NCOA1: variants seen among roughly 807,000 people sequenced by gnomAD.
NCOA1 encodes the protein Hin-2 protein.
NCOA1 carries 35 observed loss-of-function variants against 150.9 expected under a neutral mutation model. The observed-to-expected ratio is 0.23, with a 90% CI of 0.18 to 0.31. NCOA1 has a LOEUF of 0.31. NCOA1 is among the 10% of genes least tolerant of loss of function. NCOA1 has a pLI of 1.00. For missense variants in NCOA1, 1,491 were observed against 1,749.3 expected (o/e 0.85, Z 2.63); for synonymous variants, 590 against 630.0 (o/e 0.94, Z 0.95).
rs753418536 is a variant in NCOA1 at position 24,706,633 on chromosome 2, C to T, written c.1163C>T (p.Pro388Leu). The T allele has an allele frequency of 6.2e-7, 1 of 1,614,022 alleles. No homozygotes were observed. The change falls in exon 13 of 23, where the codon CCC (proline) becomes CTC (leucine). Residue 388 changes from proline (P) to leucine (L), a missense_variant. Transcript: ENST00000348332. ...NSGMSIPRVNPSVNPSISPAH... is the reference protein window; with the variant it reads ...NSGMSIPRVNLSVNPSISPAH... ...GGAATGTCAATTCCCCGAGTAAATC[C>T]CTCGGTCAATCCTAGTATCTCTCCA...
At chr2:24,737,563 T>A (rs1354720516) in intron 17 of NCOA1, among the ~76,000 whole-genome samples, 1 of 152,170 alleles carries the variant, frequency 6.6e-6, no homozygotes, top group Non-Finnish European at 1.5e-5. Context: ...TTGCCTCCTC[T>A]CCTGTTTTTT....
intron 21 of NCOA1, among the ~76,000 whole-genome samples, chr2:24,761,245 T>G (rs1664778664): frequency 6.6e-6 from 1 of 152,248 alleles, no homozygotes; most frequent in Non-Finnish European, 1.5e-5. Context: ...ATAGTGCACT[T>G]GAAATTGTCT....
At chr2:24,501,239 A>G (rs931834161) in intron 1 of NCOA1, among the ~76,000 whole-genome samples, 1 of 152,244 alleles carries the variant, frequency 6.6e-6, no homozygotes, top group South Asian at 2.1e-4. Flanking sequence ...GGTTTTATTC[A>G]TATTTGTGAG....
intron 5 of NCOA1, 164 bp downstream of exon 5, chr2:24,658,930 C>A (rs915496686): frequency 9.7e-6 from 6 of 616,866 alleles, no homozygotes; most frequent in Middle Eastern, 4.0e-4. Context: ...CATGTTTCTC[C>A]CTCAATCCAG....
chr2:24,728,354 A>G lies in NCOA1; in HGVS notation c.2764A>G (p.Thr922Ala), dbSNP rs1381512595. The change falls in exon 16 of 23, where the codon ACA becomes GCA. Residue 922 changes from threonine to alanine, a missense_variant. Transcript: ENST00000348332. The stretch of plus-strand genomic sequence containing the variant: ...AGATGAGCTTCTCTGTCCACCCACA[A>G]CAGTAGAAGGGAGAAATGATGAGAA... ...QLDELLCPPTTVEGRNDEKAL... is the reference protein window; with the variant it reads ...QLDELLCPPTAVEGRNDEKAL... 1 of 1,613,624 alleles carries G rather than the reference A, an allele frequency of 6.2e-7. No homozygotes were observed. The highest frequency in any genetic ancestry group is 8.5e-7 in the Non-Finnish European group (1 of 1,179,670).
At chr2:24,503,557 A>G (rs1253500042) in intron 1 of NCOA1, among the ~76,000 whole-genome samples, 1 of 152,104 alleles carries the variant, frequency 6.6e-6, no homozygotes, top group Non-Finnish European at 1.5e-5. Flanking sequence ...GGAGATTATA[A>G]CCCCTATAAG....
At chr2:24,642,499 G>C (rs1670278094) in intron 3 of NCOA1, among the ~76,000 whole-genome samples, 4 of 151,928 alleles carry the variant, frequency 2.6e-5, no homozygotes, top group African/African-American at 9.7e-5. Flanking sequence ...TTTTTATTGT[G>C]TACTGGATAT....
At chr2:24,664,159 G>A (rs1257068632) in intron 5 of NCOA1, among the ~76,000 whole-genome samples, 1 of 152,196 alleles carries the variant, frequency 6.6e-6, no homozygotes, top group Non-Finnish European at 1.5e-5. Flanking sequence ...GCCTTGGTAT[G>A]TAATTTGTCA....
chr2:24,532,073 A>G (rs772737230), intron 1 of NCOA1, among the ~76,000 whole-genome samples: 9 of 152,196 alleles, frequency 5.9e-5, no homozygotes, highest in Non-Finnish European at 1.0e-4. Context: ...ACTCCCACCA[A>G]CAGTGTAAAT....
intron 7 of NCOA1, among the ~76,000 whole-genome samples, chr2:24,675,888 A>C (rs549655817): frequency 6.6e-6 from 1 of 152,230 alleles, no homozygotes; most frequent in Non-Finnish European, 1.5e-5. Flanking sequence ...CTGTCTCAAA[A>C]TAAATAAATT....
chr2:24,700,512 A>G (rs1673109797), intron 11 of NCOA1, among the ~76,000 whole-genome samples: 1 of 152,208 alleles, frequency 6.6e-6, no homozygotes, highest in Non-Finnish European at 1.5e-5. Context: ...ACTGCTGTCA[A>G]AAGGAGTTTA....
At chr2:24,679,566 A>G (rs1464567296) in intron 7 of NCOA1, among the ~76,000 whole-genome samples, 3 of 152,160 alleles carry the variant, frequency 2.0e-5, no homozygotes, top group Non-Finnish European at 1.5e-5. Context: ...TGCAAAGAAC[A>G]TTTTTAAAGA....
At chr2:24,646,261 G>C (rs1276302911) in intron 4 of NCOA1, among the ~76,000 whole-genome samples, 3 of 152,028 alleles carry the variant, frequency 2.0e-5, no homozygotes, top group South Asian at 4.1e-4. Context: ...ATCTCTCTCT[G>C]TATTTACTTT....
chr2:24,559,402 G>A (rs1295430892), intron 1 of NCOA1, among the ~76,000 whole-genome samples: 1 of 152,172 alleles, frequency 6.6e-6, no homozygotes, highest in African/African-American at 2.4e-5. Flanking sequence ...CTGTGTTCCT[G>A]TACCATCCTC....
intron 1 of NCOA1, among the ~76,000 whole-genome samples, chr2:24,553,341 C>A (rs186369652): frequency 2.1e-4 from 32 of 152,054 alleles, no homozygotes; most frequent in African/African-American, 7.2e-4. Context: ...GCCTCAGCCT[C>A]CCGAGTAGCT....
intron 1 of NCOA1, among the ~76,000 whole-genome samples, chr2:24,555,463 G>A (rs7570790): frequency 0.81 from 122,697 of 152,148 alleles, 51,407 homozygotes; most frequent in East Asian, 0.99. Flanking sequence ...TAAATGTCCA[G>A]TTTGATCAAG....
chr2:24,700,528 A>G (rs7575510), intron 11 of NCOA1, among the ~76,000 whole-genome samples: 3 of 152,204 alleles, frequency 2.0e-5, no homozygotes, highest in Non-Finnish European at 4.4e-5. Context: ...GTTTACTATT[A>G]TATTTTCCAG....
At chr2:24,650,230 T>C (rs2148475775) in intron 4 of NCOA1, among the ~76,000 whole-genome samples, 1 of 152,240 alleles carries the variant, frequency 6.6e-6, no homozygotes, top group Non-Finnish European at 1.5e-5. Context: ...GAGAGAACTT[T>C]TGTTTCCAGG....
At chr2:24,689,693 A>C (rs1377295858) in intron 8 of NCOA1, among the ~76,000 whole-genome samples, 1 of 152,196 alleles carries the variant, frequency 6.6e-6, no homozygotes, top group East Asian at 1.9e-4. Context: ...GCGTGGCACA[A>C]ATCCATTTTT....
Sources: gnomAD v4.1 joint callset for allele counts (sites outside exome capture counted in the v4.1 genomes callset) on GRCh38, gnomAD v4.1.1 for gene constraint, MANE v1.5 for transcripts, NCBI Gene and HGNC (gene_info 2026-07-23, HGNC 2026-07-21) for gene names.